TBC1D4: variants seen among roughly 807,000 people sequenced by gnomAD.
TBC1D4 encodes TBC (Tre-2, BUB2, CDC16) domain-containing protein.
Under a neutral mutation model 142.5 loss-of-function variants are expected in TBC1D4, and 121 were observed. That is an observed-to-expected ratio of 0.85 (90% CI 0.73 to 0.99). The LOEUF (loss-of-function observed/expected upper bound fraction) is 0.99, where lower values mean the gene tolerates loss of function less well. TBC1D4 is among the 50% of genes least tolerant of loss of function. The probability of loss-of-function intolerance (pLI) is 0.00; values close to 1 mark genes in which losing one functional copy is unlikely to be tolerated. For synonymous variants in TBC1D4, 630 were observed against 628.2 expected, an observed-to-expected ratio of 1.00 and a Z score of -0.04; for missense variants, 1,475 against 1,606.6, an observed-to-expected ratio of 0.92 and a Z score of 1.40.
At chr13:75,457,403 A>G (rs1037716001) in intron 1 of TBC1D4, among the ~76,000 whole-genome samples, 3 of 152,178 alleles carry the variant, frequency 2.0e-5, no homozygotes, top group African/African-American at 4.8e-5. Flanking sequence ...TTAGACACCT[A>G]TAGTGCCCAC....
At chr13:75,397,791 A>C (rs1487017576) in intron 1 of TBC1D4, among the ~76,000 whole-genome samples, 1 of 152,226 alleles carries the variant, frequency 6.6e-6, no homozygotes, top group Non-Finnish European at 1.5e-5. Flanking sequence ...ACCCTCGTAT[A>C]GTAGACTAGA....
intron 7 of TBC1D4, among the ~76,000 whole-genome samples, chr13:75,340,878 G>A (rs9565151): frequency 0.065 from 9,937 of 152,110 alleles, 498 homozygotes; most frequent in Admixed American, 0.12. Flanking sequence ...CCCGGGAGGC[G>A]GAGGTTGCAG....
At chr13:75,456,923 T>C (rs1039546671) in intron 1 of TBC1D4, among the ~76,000 whole-genome samples, 15 of 151,924 alleles carry the variant, frequency 9.9e-5, no homozygotes, top group East Asian at 3.9e-4. Flanking sequence ...GAGAACTAAA[T>C]TGCAGTATAC....
At chr13:75,318,937 A>G (rs1385372650) in intron 12 of TBC1D4, among the ~76,000 whole-genome samples, 1 of 152,208 alleles carries the variant, frequency 6.6e-6, no homozygotes, top group Non-Finnish European at 1.5e-5. Context: ...AAATCAAGCA[A>G]AATATAAAAC....
chr13:75,341,470 T>G (rs767960173), intron 6 of TBC1D4, 26 bp downstream of exon 6: 2 of 1,601,866 alleles, frequency 1.2e-6, no homozygotes, highest in Non-Finnish European at 1.7e-6. Flanking sequence ...TTATGTCTTA[T>G]TTATGAGACC....
Position 75,360,155 on chromosome 13 carries a change from T to C in TBC1D4, c.1081-297A>G, listed in dbSNP as rs111730184. On this transcript the variant is annotated intron_variant, in intron 2 of 20. Coordinates refer to ENST00000377636, the MANE Select transcript of TBC1D4 (RefSeq NM_014832.5). Reference sequence around the variant, plus strand: ...GTCTTTTTAAAAAATATGCAAACTTTCCTCACTTCATGATTTCTAAAAATA... The same window carrying C: ...GTCTTTTTAAAAAATATGCAAACTTCCCTCACTTCATGATTTCTAAAAATA... Among the ~76,000 whole-genome samples the C allele has an allele frequency of 4.8e-3, 731 of 152,170 alleles. 9 individuals carry two copies. Among genetic ancestry groups the C allele is most frequent in the African/African-American group, 0.017 (695 of 41,548 alleles).
Position 75,409,039 on chromosome 13 carries a change from A to ACG in TBC1D4, c.499-46434_499-46433dup, listed in dbSNP as rs745794718. On this transcript the variant is annotated intron_variant, in intron 1 of 20. Transcript: ENST00000377636. ...ATTGTGTGCATATATATATACACACACGCACACACACACACACACTCACAT... is the reference window on the plus strand; with the variant it reads ...ATTGTGTGCATATATATATACACACACGCGCACACACACACACACACTCACAT... Among the ~76,000 whole-genome samples the ACG allele has an allele frequency of 1.2e-3, 21 of 16,926 alleles. No individual in the cohort carries two copies. The Admixed American group carries it at 0.012, about 10-fold the overall frequency. The allele number at this position is 16,926 out of a possible 152,430, so 11.1% of individuals were successfully genotyped here. A position where few individuals can be genotyped will look rare whatever the true frequency, so the allele number is the denominator to read the frequency against.
intron 1 of TBC1D4, among the ~76,000 whole-genome samples, chr13:75,468,583 C>T (rs956146005): frequency 1.1e-4 from 16 of 151,824 alleles, no homozygotes; most frequent in African/African-American, 3.1e-4. Flanking sequence ...TCAGAAATTA[C>T]GTAAGTTACT....
In TBC1D4 at chr13:75,286,174, C is replaced by T. The variant is rs1874643901; in HGVS notation, c.*618G>A. The T allele has an allele frequency of 6.5e-6, 1 of 153,332 alleles. No individual in the cohort carries two copies. Among genetic ancestry groups the T allele is most frequent in the Non-Finnish European group, 1.5e-5 (1 of 68,710 alleles). The allele number at this position is 153,332 out of a possible 1,614,324, so 9.5% of individuals were successfully genotyped here. On this transcript the variant is annotated 3_prime_UTR_variant, in exon 21 of 21. Transcript: ENST00000377636. ...CATGTAGATGCAACATGCTAGTTGG[C>T]ACAAAGCAGGCAGGGAGAAATGACC...
chr13:75,406,654 T>G (rs1451884714), intron 1 of TBC1D4, among the ~76,000 whole-genome samples: 1 of 152,216 alleles, frequency 6.6e-6, no homozygotes, highest in Non-Finnish European at 1.5e-5. Flanking sequence ...TAGTTCTATT[T>G]ACTAACATTT....
chr13:75,410,675 G>T (rs1028427065), intron 1 of TBC1D4, among the ~76,000 whole-genome samples: 8 of 152,034 alleles, frequency 5.3e-5, no homozygotes, highest in Admixed American at 6.6e-5. Context: ...GGTGGCTCAC[G>T]CCTGTAATCC....
intron 1 of TBC1D4, chr13:75,377,241 T>C (rs374361996): frequency 1.3e-5 from 2 of 152,212 alleles, no homozygotes; most frequent in Admixed American, 6.5e-5. Flanking sequence ...CCCCAGATTG[T>C]ATCCGGGAAA....
intron 1 of TBC1D4, among the ~76,000 whole-genome samples, chr13:75,447,879 C>T (rs930568357): frequency 5.9e-5 from 9 of 152,088 alleles, no homozygotes; most frequent in African/African-American, 2.2e-4. Context: ...TGTCTCCCAT[C>T]ATGCCTAGAT....
At chr13:75,344,328 G>A (rs1880980180) in intron 5 of TBC1D4, among the ~76,000 whole-genome samples, 1 of 152,240 alleles carries the variant, frequency 6.6e-6, no homozygotes, top group African/African-American at 2.4e-5. Flanking sequence ...GTTATTTGAA[G>A]TATGTAACTA....
intron 7 of TBC1D4, 46 bp from the exon 8 acceptor site, chr13:75,337,086 G>T: frequency 6.4e-7 from 1 of 1,570,040 alleles, no homozygotes. Context: ...AATACTCAAG[G>T]TTAAATGAAA....
intron 1 of TBC1D4, among the ~76,000 whole-genome samples, chr13:75,424,099 C>G (rs759865644): frequency 1.3e-5 from 2 of 151,984 alleles, no homozygotes; most frequent in African/African-American, 4.8e-5. Context: ...CTTATCTCTA[C>G]AAAACAATTT....
chr13:75,356,632 G>A (rs1416364172), intron 3 of TBC1D4, among the ~76,000 whole-genome samples: 1 of 152,098 alleles, frequency 6.6e-6, no homozygotes, highest in African/African-American at 2.4e-5. Context: ...TCTTATCTGA[G>A]GCTAAGAATC....
chr13:75,379,734 C>T (rs1883709342), intron 1 of TBC1D4, among the ~76,000 whole-genome samples: 1 of 152,016 alleles, frequency 6.6e-6, no homozygotes, highest in Non-Finnish European at 1.5e-5. Flanking sequence ...GATTATCAGT[C>T]TCAAAGAGAG....
intron 1 of TBC1D4, among the ~76,000 whole-genome samples, chr13:75,397,890 A>ATCT (rs1197002050): frequency 6.6e-6 from 1 of 152,224 alleles, no homozygotes; most frequent in Admixed American, 6.5e-5. Flanking sequence ...AATAGAAGCA[A>ATCT]TTAAATGAAC....
Sources: gnomAD v4.1 joint callset for allele counts (sites outside exome capture counted in the v4.1 genomes callset) on GRCh38, gnomAD v4.1.1 for gene constraint, MANE v1.5 for transcripts, NCBI Gene and HGNC (gene_info 2026-07-23, HGNC 2026-07-21) for gene names.